SEMA5A: variants seen among roughly 807,000 people sequenced by gnomAD.
The protein encoded by SEMA5A is semaphorin-5A.
SEMA5A carries 55 observed loss-of-function variants against 135.5 expected under a neutral mutation model. The ratio of observed to expected loss-of-function variants is 0.41; its 90% confidence interval spans 0.33 to 0.51. The LOEUF (loss-of-function observed/expected upper bound fraction) is 0.51. Ranked by LOEUF, SEMA5A falls within the 20% of genes least tolerant of loss-of-function variation. The probability of loss-of-function intolerance (pLI) is 0.37; values close to 1 mark genes in which losing one functional copy is unlikely to be tolerated. For synonymous variants in SEMA5A, 580 were observed against 546.5 expected (o/e 1.06, Z -0.85); for missense variants, 1,290 against 1,419.9 (o/e 0.91, Z 1.47).
intron 2 of SEMA5A, among the ~76,000 whole-genome samples, chr5:9,393,942 G>T (rs116345032): frequency 0.018 from 2,687 of 152,212 alleles, 79 homozygotes; most frequent in African/African-American, 0.061. Flanking sequence ...AAAATGGATG[G>T]ACAACAGCTA....
chr5:9,330,246 C>T (rs986798568), intron 4 of SEMA5A, among the ~76,000 whole-genome samples: 2 of 151,902 alleles, frequency 1.3e-5, no homozygotes, highest in African/African-American at 4.8e-5. Context: ...AAAAATTAGC[C>T]GGGCGTGGTA....
intron 5 of SEMA5A, among the ~76,000 whole-genome samples, 166 bp from the exon 6 acceptor site, chr5:9,238,056 A>G (rs911593909): frequency 1.3e-5 from 2 of 152,192 alleles, no homozygotes; most frequent in Admixed American, 1.3e-4. Flanking sequence ...AAATTTAGTC[A>G]TGGGCTTAGA....
At chr5:9,120,964 G>A (rs896313508) in intron 14 of SEMA5A, among the ~76,000 whole-genome samples, 16 of 152,066 alleles carry the variant, frequency 1.1e-4, no homozygotes, top group Admixed American at 1.0e-3. Flanking sequence ...TTTTAGTAGA[G>A]ACGGGTTTTC....
intron 1 of SEMA5A, among the ~76,000 whole-genome samples, chr5:9,487,253 C>A (rs1734781371): frequency 6.6e-6 from 1 of 152,164 alleles, no homozygotes; most frequent in African/African-American, 2.4e-5. Context: ...TCTTACGTGG[C>A]AGCAGGCATT....
At chr5:9,131,638 A>C (rs1741431798) in intron 13 of SEMA5A, among the ~76,000 whole-genome samples, 1 of 42,040 alleles carries the variant, frequency 2.4e-5, no homozygotes. Context: ...AAAAAAAAAA[A>C]AAAAAAAAAA....
intron 8 of SEMA5A, among the ~76,000 whole-genome samples, chr5:9,215,866 A>G (rs2150396805): frequency 6.6e-6 from 1 of 151,556 alleles, no homozygotes; most frequent in South Asian, 2.1e-4. Flanking sequence ...AATCTTTTGA[A>G]TGAGTTTTTA....
chr5:9,395,911 T>A (rs1180540506), intron 2 of SEMA5A, among the ~76,000 whole-genome samples: 1 of 152,120 alleles, frequency 6.6e-6, no homozygotes, highest in South Asian at 2.1e-4. Flanking sequence ...ACCACAGAGA[T>A]GAAACTGGAG....
intron 3 of SEMA5A, among the ~76,000 whole-genome samples, chr5:9,358,826 T>A (rs1754564124): frequency 6.6e-6 from 1 of 152,184 alleles, no homozygotes; most frequent in African/African-American, 2.4e-5. Flanking sequence ...AGCATACCTG[T>A]CCTCTATGCT....
intron 3 of SEMA5A, among the ~76,000 whole-genome samples, chr5:9,378,864 T>C (rs1755475738): frequency 6.6e-6 from 1 of 151,706 alleles, no homozygotes; most frequent in South Asian, 2.1e-4. Flanking sequence ...TTGTTTGCTG[T>C]GATAATGGTA....
intron 11 of SEMA5A, among the ~76,000 whole-genome samples, chr5:9,169,757 C>T (rs1743811956): frequency 6.6e-6 from 1 of 152,170 alleles, no homozygotes; most frequent in African/African-American, 2.4e-5. Flanking sequence ...CTCCAGGCTG[C>T]TCAGGTCTGT....
At chr5:9,414,753 A>T (rs1258216475) in intron 2 of SEMA5A, among the ~76,000 whole-genome samples, 1 of 152,206 alleles carries the variant, frequency 6.6e-6, no homozygotes, top group Non-Finnish European at 1.5e-5. Flanking sequence ...TGGGCTTTTG[A>T]GTTGGCAAAA....
At chr5:9,099,249 C>T (rs1286172658) in intron 16 of SEMA5A, among the ~76,000 whole-genome samples, 1 of 152,058 alleles carries the variant, frequency 6.6e-6, no homozygotes, top group Non-Finnish European at 1.5e-5. Context: ...TCTGCTGTAC[C>T]ACTCAATTTT....
chr5:9,129,631 C>G (rs1279695119), intron 13 of SEMA5A, among the ~76,000 whole-genome samples: 2 of 152,172 alleles, frequency 1.3e-5, no homozygotes, highest in African/African-American at 2.4e-5. Flanking sequence ...AGACACATAT[C>G]TAGAATAAAT....
chr5:9,125,538 C>G (rs1267708946), intron 13 of SEMA5A, among the ~76,000 whole-genome samples: 2 of 152,252 alleles, frequency 1.3e-5, no homozygotes, highest in South Asian at 4.2e-4. Context: ...ATGTTGCCCT[C>G]CCTGTGCCCA....
At chr5:9,450,245 C>T (rs1274400141) in intron 1 of SEMA5A, among the ~76,000 whole-genome samples, 1 of 152,166 alleles carries the variant, frequency 6.6e-6, no homozygotes, top group African/African-American at 2.4e-5. Context: ...GAGAACGAGG[C>T]CAACCCGGTG....
chr5:9,305,215 C>T (rs1005509421), intron 5 of SEMA5A, among the ~76,000 whole-genome samples: 2 of 152,080 alleles, frequency 1.3e-5, no homozygotes, highest in African/African-American at 4.8e-5. Context: ...CTTTATTCAA[C>T]TTTCTGGGAA....
Position 9,096,291 on chromosome 5 carries a change from T to A in SEMA5A, c.2073+11849A>T, listed in dbSNP as rs1022445112. Reference sequence around the variant, plus strand: ...GTTATACGTTAGGTCTTTCAAGGTGTTCATTCTACATATTTGCTACTTTGT... The same window carrying A: ...GTTATACGTTAGGTCTTTCAAGGTGATCATTCTACATATTTGCTACTTTGT... On this transcript the variant is annotated intron_variant, in intron 16 of 22. Transcript: ENST00000382496. Among the ~76,000 whole-genome samples, 3 of 152,210 alleles carry A rather than the reference T, an allele frequency of 2.0e-5. No individual in the cohort carries two copies. The South Asian group carries it at 6.2e-4, about 31-fold the overall frequency.
chr5:9,409,308 C>T (rs1175603189), intron 2 of SEMA5A, among the ~76,000 whole-genome samples: 1 of 152,214 alleles, frequency 6.6e-6, no homozygotes, highest in South Asian at 2.1e-4. Flanking sequence ...AGTCTAATAT[C>T]GCACAGTGCA....
intron 5 of SEMA5A, among the ~76,000 whole-genome samples, chr5:9,313,103 G>A (rs1752218545): frequency 6.6e-6 from 1 of 152,160 alleles, no homozygotes; most frequent in South Asian, 2.1e-4. Context: ...ATGCAGTGGG[G>A]TCTCCAGAAT....
Sources: allele counts gnomAD v4.1 joint callset (sites outside exome capture counted in the v4.1 genomes callset), GRCh38; gene constraint gnomAD v4.1.1; transcripts MANE v1.5; gene names NCBI Gene and HGNC (gene_info 2026-07-23, HGNC 2026-07-21).